The following CFAP65 variants were observed in gnomAD, a reference collection of about 807,000 sequenced individuals.
The protein encoded by CFAP65 is cilia and flagella associated protein 65.
CFAP65 carries 155 observed loss-of-function variants against 208.0 expected under a neutral mutation model. The ratio of observed to expected loss-of-function variants is 0.75; its 90% CI spans 0.65 to 0.85. CFAP65 has a LOEUF of 0.85. CFAP65 is among the 40% of genes least tolerant of loss of function. The pLI is 0.00. For missense variants in CFAP65, 2,294 were observed against 2,451.3 expected, an observed-to-expected ratio of 0.94 and a Z score of 1.36; for synonymous variants, 970 against 986.3, an observed-to-expected ratio of 0.98 and a Z score of 0.31.
At position 219,026,022 on chromosome 2, in the gene CFAP65, C is replaced by T; in HGVS notation, c.2349G>A (p.Lys783=). The T allele has an allele frequency of 6.2e-7, 1 of 1,613,740 alleles. No individual in the cohort carries two copies. Among genetic ancestry groups the T allele is most frequent in the Non-Finnish European group, 8.5e-7 (1 of 1,179,730 alleles). The change falls in exon 14 of 35, where the codon AAG becomes AAA. Residue 783 remains lysine (K), a splice_region_variant and synonymous_variant. Coordinates refer to ENST00000341552, the MANE Select transcript of CFAP65 (RefSeq NM_194302.4). ...HIPQYSLDVP[K]LFPAVSSGEP... ...CCACTGCTGTTGGGGCCACGCTTACCTTGGGGACATCTAGGGAATACTGGG... is the reference window on the plus strand; with the variant it reads ...CCACTGCTGTTGGGGCCACGCTTACTTTGGGGACATCTAGGGAATACTGGG...
intron 21 of CFAP65, chr2:219,015,278 G>A (rs1471457070): frequency 6.7e-6 from 1 of 149,370 alleles, no homozygotes; most frequent in Non-Finnish European, 1.5e-5. Context: ...TGAGGAGAAT[G>A]TGCGCAACAC....
chr2:219,010,457 T>C, intron 26 of CFAP65, 89 bp downstream of exon 26: 1 of 1,401,588 alleles, frequency 7.1e-7, no homozygotes. Flanking sequence ...CTCATGTCCC[T>C]CCCAGCCTCC....
At position 219,024,056 on chromosome 2, in the gene CFAP65, T is replaced by C. The variant is rs1947450911; in HGVS notation, c.2554A>G (p.Thr852Ala). 10 of 1,613,868 alleles carry C rather than the reference T, an allele frequency of 6.2e-6. No individual in the cohort carries two copies. The highest frequency in any genetic ancestry group is 4.4e-5 in the South Asian group (4 of 91,088). ...GAAGCATTGCACTGCAGATAGAAAGTGTGCTGCTTCCAGGAGCTGCCCTCA... is the reference window on the plus strand; with the variant it reads ...GAAGCATTGCACTGCAGATAGAAAGCGTGCTGCTTCCAGGAGCTGCCCTCA... ...YPEGSSWKQH[T>A]FYLQCNASPQ... The change falls in exon 15 of 35, where the codon ACT becomes GCT. Residue 852 changes from threonine (T) to alanine (A), a missense_variant. By Grantham distance (58) the Thr-to-Ala change is moderately conservative. Coordinates refer to ENST00000341552, the MANE Select transcript of CFAP65 (RefSeq NM_194302.4).
intron 20 of CFAP65, 132 bp downstream of exon 20, chr2:219,019,374 G>A: frequency 1.9e-6 from 2 of 1,064,922 alleles, no homozygotes; most frequent in Non-Finnish European, 2.7e-6. Flanking sequence ...GGATGGGCGA[G>A]AACTGGGGAG....
At chr2:219,018,805 G>T (rs1047084330) in intron 21 of CFAP65, 1 of 544,486 alleles carries the variant, frequency 1.8e-6, no homozygotes, top group Non-Finnish European at 3.4e-6. Context: ...AGGCCACTAT[G>T]CCCAGGCTCC....
intron 27 of CFAP65, 125 bp downstream of exon 27, chr2:219,009,817 G>C (rs1946339580): frequency 1.3e-5 from 9 of 682,316 alleles, no homozygotes; most frequent in Non-Finnish European, 2.0e-5. Context: ...GGAGTGGGGG[G>C]GGATGGGATG....
At chr2:219,007,011 A>G (rs1048062441) in intron 29 of CFAP65, among the ~76,000 whole-genome samples, 1 of 152,038 alleles carries the variant, frequency 6.6e-6, no homozygotes, top group African/African-American at 2.4e-5. Context: ...AATGCCATCA[A>G]ATGTAGGCGG....
chr2:219,031,468 G>A lies in CFAP65; in HGVS notation c.815+21C>T, dbSNP rs369338937. On this transcript the variant is annotated intron_variant, in intron 7 of 34. Transcript: ENST00000341552. The surrounding 1 kb of genome is among the most constrained non-coding windows in gnomAD (Gnocchi z 5.2). ...CCTCACAGCTCTTGCTCTCCCCGCC[G>A]CACCTCAGCCTCTTCCTCACCCCAC... The A allele has an allele frequency of 2.4e-5, 38 of 1,613,970 alleles. 1 individual carries two copies. The Middle Eastern group carries it at 1.2e-3, about 49-fold the overall frequency.
intron 5 of CFAP65, chr2:219,033,662 C>T (rs1948186263): frequency 6.6e-6 from 1 of 152,084 alleles, no homozygotes; most frequent in Non-Finnish European, 1.5e-5. Context: ...TTTACAGAAA[C>T]CCTACAGAAA....
chr2:219,031,071 G>A lies in CFAP65; in HGVS notation c.1015+35C>T, dbSNP rs1233584252. On this transcript the variant is annotated intron_variant, in intron 8 of 34. Transcript: ENST00000341552. The surrounding 1 kb of genome is among the most constrained non-coding windows in gnomAD (Gnocchi z 5.2). ...TGGAGGACCCAGAAGGTGCAGGAGG[G>A]GCCAGTCTGGGGACGGTGGGAGGTT... The A allele has an allele frequency of 2.6e-6, 4 of 1,555,840 alleles. No homozygotes were observed. The highest frequency in any genetic ancestry group is 4.8e-5 in the East Asian group (2 of 41,924).
intron 17 of CFAP65, 32 bp from the exon 18 acceptor site, chr2:219,021,962 GA>G: frequency 6.2e-7 from 1 of 1,611,282 alleles, no homozygotes. Flanking sequence ...CCGGGAGTGG[GA>G]GCTCCTCCAG....
Position 219,026,140 on chromosome 2 carries a change from T to C in CFAP65, c.2231A>G (p.Asn744Ser), listed in dbSNP as rs1947617023. 1 of 1,612,878 alleles carries C rather than the reference T, an allele frequency of 6.2e-7. No homozygotes were observed. The highest frequency in any genetic ancestry group is 8.5e-7 in the Non-Finnish European group (1 of 1,179,320). ...GCACATGGTGCAGTCCTCCTCAATA[T>C]TACTGTAGCTCTGCAGGACCTGCAG... ...AIYKVLQSYS[N>S]IEEDCTMCPS... The change falls in exon 14 of 35, where the codon AAT becomes AGT. Residue 744 changes from asparagine (N) to serine (S), a missense_variant. Asn to Ser is a conservative substitution (Grantham distance 46). Transcript: ENST00000341552.
At chr2:219,024,475 C>CG (rs574257675) in intron 14 of CFAP65, among the ~76,000 whole-genome samples, 10,517 of 32,720 alleles carry the variant, frequency 0.32, 827 homozygotes, top group African/African-American at 0.36. Flanking sequence ...CAGAAAGGGG[C>CG]GGGGGGGGGG....
chr2:219,035,552 T>TC lies in CFAP65; in HGVS notation c.469dup (p.Glu157GlyfsTer69). 5.6e-6 allele frequency: 9 copies of TC among 1,614,064 alleles called. No individual in the cohort carries two copies. Among genetic ancestry groups the TC allele is most frequent in the Non-Finnish European group, 7.6e-6 (9 of 1,180,006 alleles). On this transcript the variant is annotated frameshift_variant, in exon 5 of 35. Coordinates refer to ENST00000341552, the MANE Select transcript of CFAP65 (RefSeq NM_194302.4). LOFTEE classifies it high-confidence loss of function. Reference sequence around the variant, plus strand: ...ATTCCTTGTGGTCTCCTTTCCTAGCTCCCAGCCTTTCCAATGCAGCTCCTC... The same window carrying TC: ...ATTCCTTGTGGTCTCCTTTCCTAGCTCCCCAGCCTTTCCAATGCAGCTCCTC...
chr2:219,019,474 C>T (rs1947128972), intron 20 of CFAP65, 32 bp downstream of exon 20: 2 of 1,578,212 alleles, frequency 1.3e-6, no homozygotes, highest in African/African-American at 1.3e-5. Context: ...GCCCTGCCCC[C>T]AGCCCCCACC....
At chr2:219,019,831 C>T (rs1259277565) in intron 19 of CFAP65, 112 bp from the exon 20 acceptor site, 2 of 778,442 alleles carry the variant, frequency 2.6e-6, no homozygotes, top group African/African-American at 3.4e-5. Flanking sequence ...GGACCCTCAT[C>T]AGGAGCAGTG....
intron 15 of CFAP65, among the ~76,000 whole-genome samples, 158 bp from the exon 16 acceptor site, chr2:219,023,589 CAG>C (rs1275261618): frequency 6.6e-6 from 1 of 152,252 alleles, no homozygotes; most frequent in Non-Finnish European, 1.5e-5. Context: ...CTGTCAAAAG[CAG>C]AGTCAATGGT....
At chr2:219,033,472 T>C (rs1948173921) in intron 5 of CFAP65, among the ~76,000 whole-genome samples, 2 of 143,678 alleles carry the variant, frequency 1.4e-5, no homozygotes, top group Non-Finnish European at 3.0e-5. Flanking sequence ...TGAGACCCTG[T>C]CTCAAAAAAA....
rs1945805056 is a variant in CFAP65, at chr2:219,004,630, T to C, written c.5052-175A>G. 6.6e-6 allele frequency among the ~76,000 whole-genome samples: 1 copy of C among 152,286 alleles called. No individual in the cohort carries two copies. Among genetic ancestry groups the C allele is most frequent in the East Asian group, 1.9e-4 (1 of 5,178 alleles). ...TCAAGGAAGACATCTTTGAGCCTCA[T>C]GGATTTTTAGAAGCGAACATGGTAT... On this transcript the variant is annotated intron_variant, in intron 32 of 34. Coordinates refer to ENST00000341552, the MANE Select transcript of CFAP65 (RefSeq NM_194302.4). This position sits in a 1 kb window ranked among gnomAD's most constrained non-coding sequence, Gnocchi z 4.7.
Sources: allele counts gnomAD v4.1 joint callset (sites outside exome capture counted in the v4.1 genomes callset), GRCh38; gene constraint gnomAD v4.1.1; non-coding constraint Gnocchi (gnomAD v3.1); transcripts MANE v1.5; gene names NCBI Gene and HGNC (gene_info 2026-07-23, HGNC 2026-07-21).